GPC5: variants seen among roughly 807,000 people sequenced by gnomAD.
GPC5 encodes the protein glypican-5.
In GPC5, 47 loss-of-function variants were observed where a neutral mutation model predicts 53.9. The observed-to-expected ratio is 0.87, with a 90% confidence interval of 0.69 to 1.11. GPC5 has a LOEUF of 1.11. Among genes scored for constraint, GPC5 ranks in the 50% most tolerant of loss-of-function variants. The pLI, the probability that GPC5 is intolerant of heterozygous loss-of-function variation, is 0.00. For missense variants in GPC5, 748 were observed against 713.1 expected (o/e 1.05, Z -0.56); for synonymous variants, 286 against 263.3 (o/e 1.09, Z -0.84).
chr13:92,445,561 T>C (rs954677681), intron 7 of GPC5, among the ~76,000 whole-genome samples: 4 of 147,712 alleles, frequency 2.7e-5, no homozygotes, highest in African/African-American at 7.5e-5. Flanking sequence ...TGAGAATATG[T>C]GGTGTTTGGT....
At chr13:92,297,316 C>T (rs538200120) in intron 7 of GPC5, among the ~76,000 whole-genome samples, 1 of 141,334 alleles carries the variant, frequency 7.1e-6, no homozygotes, top group South Asian at 2.3e-4. Flanking sequence ...AATCGGCACT[C>T]TGTATCTAGC....
chr13:92,166,673 A>G (rs536038414), intron 7 of GPC5, among the ~76,000 whole-genome samples: 1 of 152,266 alleles, frequency 6.6e-6, no homozygotes, highest in East Asian at 1.9e-4. Context: ...GAATAATTCC[A>G]AAGAGGAACT....
intron 7 of GPC5, among the ~76,000 whole-genome samples, chr13:92,253,831 G>A (rs1280902084): frequency 2.0e-5 from 3 of 152,052 alleles, no homozygotes; most frequent in African/African-American, 7.2e-5. Flanking sequence ...TAATTTAAGA[G>A]AGACCAAGAT....
At chr13:91,972,831 G>T (rs1466966030) in intron 6 of GPC5, among the ~76,000 whole-genome samples, 1 of 152,308 alleles carries the variant, frequency 6.6e-6, no homozygotes, top group Admixed American at 6.5e-5. Context: ...TCTGCTGAGA[G>T]ATCCACTGTT....
intron 7 of GPC5, among the ~76,000 whole-genome samples, chr13:92,797,390 C>T (rs1415973340): frequency 6.6e-6 from 1 of 151,856 alleles, no homozygotes; most frequent in Non-Finnish European, 1.5e-5. Flanking sequence ...ATTTCCTCAT[C>T]TTTAACATAA....
At chr13:91,488,994 T>C (rs1186056079) in intron 2 of GPC5, among the ~76,000 whole-genome samples, 1 of 152,222 alleles carries the variant, frequency 6.6e-6, no homozygotes, top group African/African-American at 2.4e-5. Context: ...TGGTCTCCTG[T>C]AGCACTCCCA....
intron 7 of GPC5, among the ~76,000 whole-genome samples, chr13:92,320,438 G>T (rs2043208356): frequency 6.6e-6 from 1 of 152,084 alleles, no homozygotes; most frequent in African/African-American, 2.4e-5. Flanking sequence ...CATGCAGGTG[G>T]TTTTTCTAGC....
At chr13:92,397,014 G>A (rs1041960185) in intron 7 of GPC5, among the ~76,000 whole-genome samples, 5 of 152,202 alleles carry the variant, frequency 3.3e-5, no homozygotes, top group African/African-American at 9.6e-5. Flanking sequence ...AATGCCAAGA[G>A]GGGAGCTTTC....
chr13:91,910,602 C>CT (rs1295021520), intron 6 of GPC5, among the ~76,000 whole-genome samples: 1 of 152,168 alleles, frequency 6.6e-6, no homozygotes, highest in Non-Finnish European at 1.5e-5. Flanking sequence ...CCTGCATACA[C>CT]TCACCCAAAA....
At chr13:91,951,016 G>A (rs1049520921) in intron 6 of GPC5, among the ~76,000 whole-genome samples, 1 of 152,124 alleles carries the variant, frequency 6.6e-6, no homozygotes, top group Non-Finnish European at 1.5e-5. Flanking sequence ...CACTGTTTTA[G>A]GGTGTGTACT....
intron 2 of GPC5, among the ~76,000 whole-genome samples, chr13:91,575,406 AG>A (rs1482036172): frequency 1.3e-5 from 2 of 152,154 alleles, no homozygotes; most frequent in Middle Eastern, 3.2e-3. Context: ...GAAAAGTCCT[AG>A]TATTATCCAC....
intron 7 of GPC5, among the ~76,000 whole-genome samples, chr13:92,812,702 G>C (rs534310798): frequency 1.3e-5 from 2 of 151,778 alleles, no homozygotes. Context: ...CCTATGCATA[G>C]AAAGTCCTAA....
At chr13:92,263,519 C>T (rs568084023) in intron 7 of GPC5, among the ~76,000 whole-genome samples, 41 of 152,168 alleles carry the variant, frequency 2.7e-4, no homozygotes, top group Non-Finnish European at 4.7e-4. Context: ...GGATAATATT[C>T]CCTTCTTAGA....
intron 7 of GPC5, among the ~76,000 whole-genome samples, chr13:92,786,424 A>G (rs1282502511): frequency 6.6e-6 from 1 of 152,120 alleles, no homozygotes; most frequent in Non-Finnish European, 1.5e-5. Flanking sequence ...GATAAGCAGA[A>G]TAGGACTAGA....
At chr13:91,946,645 C>T (rs1009720708) in intron 6 of GPC5, among the ~76,000 whole-genome samples, 1 of 152,072 alleles carries the variant, frequency 6.6e-6, no homozygotes, top group East Asian at 1.9e-4. Flanking sequence ...GTGACAGCCC[C>T]GGTAAGTCTA....
intron 7 of GPC5, among the ~76,000 whole-genome samples, chr13:92,444,735 A>G (rs1257769801): frequency 6.6e-6 from 1 of 150,890 alleles, no homozygotes; most frequent in Non-Finnish European, 1.5e-5. Context: ...AAAAAAAAAA[A>G]AAAAAGTCTA....
chr13:92,266,239 A>T (rs542851927), intron 7 of GPC5, among the ~76,000 whole-genome samples: 1 of 152,268 alleles, frequency 6.6e-6, no homozygotes, highest in Admixed American at 6.5e-5. Flanking sequence ...GTTTGATTCT[A>T]AGATGTTTGA....
At chr13:91,539,913 C>G (rs72641419) in intron 2 of GPC5, among the ~76,000 whole-genome samples, 9,263 of 151,730 alleles carry the variant, frequency 0.061, 376 homozygotes, top group Non-Finnish European at 0.087. Flanking sequence ...TGTATAATGC[C>G]ATCAGCATAA....
chr13:92,578,903 T>C (rs1332134630), intron 7 of GPC5, among the ~76,000 whole-genome samples: 3 of 152,098 alleles, frequency 2.0e-5, no homozygotes. Context: ...CGAATGATAT[T>C]ATCCAGTCAT....
Sources: gnomAD v4.1 joint callset for allele counts (sites outside exome capture counted in the v4.1 genomes callset) on GRCh38, gnomAD v4.1.1 for gene constraint, MANE v1.5 for transcripts, NCBI Gene and HGNC (gene_info 2026-07-23, HGNC 2026-07-21) for gene names.